Variants in LRBA observed in about 807,000 individuals in gnomAD.
The protein encoded by LRBA is lipopolysaccharide-responsive and beige-like anchor protein.
A neutral mutation model predicts 330.0 loss-of-function variants in LRBA; 176 were observed. The ratio of observed to expected loss-of-function variants is 0.53; its 90% CI spans 0.47 to 0.60. LRBA has a LOEUF of 0.60. Among genes scored for constraint, LRBA ranks in the 20% least tolerant of loss-of-function variants. The probability of loss-of-function intolerance (pLI) is 0.00; values close to 1 mark genes in which losing one functional copy is unlikely to be tolerated. For synonymous variants in LRBA, 1,230 were observed against 1,193.0 expected (o/e 1.03, Z -0.64); for missense variants, 3,259 against 3,444.8 (o/e 0.95, Z 1.35).
chr4:150,883,537 T>C (rs1728634216), intron 17 of LRBA, among the ~76,000 whole-genome samples: 1 of 152,162 alleles, frequency 6.6e-6, no homozygotes, highest in Admixed American at 6.5e-5. Context: ...TGTATCAATG[T>C]CTAGTTTGAA....
At chr4:150,700,426 A>T (rs910496560) in intron 36 of LRBA, among the ~76,000 whole-genome samples, 1 of 152,202 alleles carries the variant, frequency 6.6e-6, no homozygotes, top group Non-Finnish European at 1.5e-5. Context: ...AAACAAAAAA[A>T]ATGGTACAGG....
intron 2 of LRBA, among the ~76,000 whole-genome samples, chr4:150,948,175 A>G (rs980008849): frequency 6.6e-6 from 1 of 152,084 alleles, no homozygotes; most frequent in African/African-American, 2.4e-5. Flanking sequence ...TACCAAAAAC[A>G]ATCTTGAAAG....
At chr4:150,295,656 C>T (rs2126818647) in intron 53 of LRBA, among the ~76,000 whole-genome samples, 1 of 152,268 alleles carries the variant, frequency 6.6e-6, no homozygotes. Flanking sequence ...TCATTTCATA[C>T]TTTTTCTATG....
intron 2 of LRBA, among the ~76,000 whole-genome samples, chr4:150,978,470 C>T (rs1340841133): frequency 2.0e-5 from 3 of 152,108 alleles, no homozygotes; most frequent in Non-Finnish European, 4.4e-5. Flanking sequence ...ACAGTCCAGA[C>T]ACTGACAAAC....
chr4:150,937,954 G>A (rs1735257172), intron 2 of LRBA, among the ~76,000 whole-genome samples: 1 of 151,740 alleles, frequency 6.6e-6, no homozygotes, highest in Non-Finnish European at 1.5e-5. Flanking sequence ...TAATACAACT[G>A]GAATACTGTG....
chr4:150,867,027 AAC>A (rs549198702), intron 22 of LRBA, among the ~76,000 whole-genome samples: 132 of 151,962 alleles, frequency 8.7e-4, no homozygotes, highest in African/African-American at 3.1e-3. Context: ...CAATTTCATA[AAC>A]AGTGATCCTT....
chr4:150,927,847 T>C (rs760463945), intron 4 of LRBA, among the ~76,000 whole-genome samples: 2 of 152,134 alleles, frequency 1.3e-5, no homozygotes, highest in Non-Finnish European at 2.9e-5. Flanking sequence ...AAAAGAGTAA[T>C]TGTAGGGCAC....
At chr4:150,681,971 T>C (rs1034820057) in intron 37 of LRBA, among the ~76,000 whole-genome samples, 2 of 152,142 alleles carry the variant, frequency 1.3e-5, no homozygotes, top group Non-Finnish European at 2.9e-5. Flanking sequence ...TGATACCACA[T>C]GTATATACTA....
rs1326717729 is a variant in LRBA at position 150,265,763 on chromosome 4, CGTT to C, written c.8515_8517del (p.Asn2839del). On this transcript the variant is annotated inframe_deletion, in exon 57 of 57. Transcript: ENST00000651943. ...TATTCATGATGCCACCGGTTAAAGTCGTTGTAAAATAGCACAATGCTTCCTGAA... is the reference window on the plus strand; with the variant it reads ...TATTCATGATGCCACCGGTTAAAGTCGTAAAATAGCACAATGCTTCCTGAA... The C allele has an allele frequency of 1.1e-5, 17 of 1,613,694 alleles. No individual in the cohort carries two copies. The East Asian group carries it at 2.2e-4, about 21-fold the overall frequency.
At chr4:150,915,295 A>T (rs896002888) in intron 8 of LRBA, among the ~76,000 whole-genome samples, 8 of 152,148 alleles carry the variant, frequency 5.3e-5, no homozygotes, top group African/African-American at 1.9e-4. Context: ...CATTTAACTC[A>T]TTCAGAAAAA....
chr4:150,303,275 G>A (rs1444710295), intron 52 of LRBA, among the ~76,000 whole-genome samples: 2 of 152,136 alleles, frequency 1.3e-5, no homozygotes, highest in Admixed American at 6.5e-5. Context: ...CTTGTTTTAA[G>A]TGATCTATAC....
At chr4:150,341,075 G>T (rs113873220) in intron 48 of LRBA, among the ~76,000 whole-genome samples, 1 of 152,170 alleles carries the variant, frequency 6.6e-6, no homozygotes, top group Admixed American at 6.5e-5. Flanking sequence ...GTCTACTAGC[G>T]TTAGTCCAGT....
intron 25 of LRBA, 56 bp from the exon 26 acceptor site, chr4:150,849,054 C>A: frequency 8.3e-7 from 1 of 1,210,794 alleles, no homozygotes. Flanking sequence ...AAAAATTTTA[C>A]CAGATATAGT....
chr4:150,527,507 G>A (rs1477413720), intron 40 of LRBA, among the ~76,000 whole-genome samples: 1 of 152,038 alleles, frequency 6.6e-6, no homozygotes. Flanking sequence ...GGACCAATAA[G>A]ACAAAGAAAA....
chr4:150,355,340 T>G (rs1737697930), intron 47 of LRBA, among the ~76,000 whole-genome samples: 2 of 152,090 alleles, frequency 1.3e-5, no homozygotes, highest in Non-Finnish European at 2.9e-5. Context: ...GAAACCTTAT[T>G]TGTTTATTAT....
chr4:150,931,228 T>A (rs907323367), intron 2 of LRBA, among the ~76,000 whole-genome samples: 2 of 152,128 alleles, frequency 1.3e-5, no homozygotes, highest in Non-Finnish European at 2.9e-5. Context: ...ATAATCATAG[T>A]ACAGTTATTT....
intron 40 of LRBA, among the ~76,000 whole-genome samples, chr4:150,495,150 C>T (rs1759439056): frequency 6.6e-6 from 1 of 152,158 alleles, no homozygotes; most frequent in Non-Finnish European, 1.5e-5. Context: ...CATAACGCTT[C>T]CTGATCCCAT....
intron 37 of LRBA, among the ~76,000 whole-genome samples, chr4:150,657,185 C>G (rs192374187): frequency 3.0e-4 from 46 of 152,222 alleles, no homozygotes; most frequent in Admixed American, 2.8e-3. Context: ...ACTTCCCTTA[C>G]GAAGGAGACA....
chr4:150,818,528 A>ATTTCTG (rs1744926655), intron 30 of LRBA, among the ~76,000 whole-genome samples: 1 of 93,348 alleles, frequency 1.1e-5, no homozygotes, highest in South Asian at 3.7e-4. Context: ...GATATGACGA[A>ATTTCTG]TGTCTGTGTG....
Sources: allele counts gnomAD v4.1 joint callset (sites outside exome capture counted in the v4.1 genomes callset), GRCh38; gene constraint gnomAD v4.1.1; transcripts MANE v1.5; gene names NCBI Gene and HGNC (gene_info 2026-07-23, HGNC 2026-07-21).